Variants in KATNAL1 observed in about 807,000 individuals in gnomAD.
The protein encoded by KATNAL1 is katanin p60 ATPase-containing subunit A-like 1.
In KATNAL1, 32 loss-of-function variants were observed where a neutral mutation model predicts 55.2. That is an observed-to-expected ratio of 0.58 (90% CI 0.44 to 0.78). The LOEUF (loss-of-function observed/expected upper bound fraction) is 0.78, where lower values mean the gene tolerates loss of function less well. KATNAL1 is among the 30% of genes least tolerant of loss of function. The pLI, the probability that KATNAL1 is intolerant of heterozygous loss-of-function variation, is 0.00. For synonymous variants in KATNAL1, 193 were observed against 193.6 expected, an observed-to-expected ratio of 1.00 and a Z score of 0.02; for missense variants, 466 against 600.9, an observed-to-expected ratio of 0.78 and a Z score of 2.35.
At chr13:30,233,488 G>C (rs529172255) in intron 6 of KATNAL1, among the ~76,000 whole-genome samples, 56 of 151,906 alleles carry the variant, frequency 3.7e-4, no homozygotes, top group Non-Finnish European at 5.4e-4. Flanking sequence ...AAAGGGGAAT[G>C]CTCCTATACT....
At chr13:30,247,541 T>C (rs1352421789) in intron 4 of KATNAL1, among the ~76,000 whole-genome samples, 1 of 152,158 alleles carries the variant, frequency 6.6e-6, no homozygotes, top group African/African-American at 2.4e-5. Context: ...GGAGGCACAA[T>C]ATATTAATAA....
rs532829880 is a variant in KATNAL1 at position 30,213,483 on chromosome 13, T to C, written c.1148-3041A>G. On this transcript the variant is annotated intron_variant, in intron 9 of 10. Coordinates refer to ENST00000380615, the MANE Select transcript of KATNAL1 (RefSeq NM_032116.5). ...GAGACACACCCAAAAAAGAGAATTT[T>C]AGACCAATATCCTTGATGAACATTG... Among the ~76,000 whole-genome samples, 65 of 152,078 alleles carry C rather than the reference T, an allele frequency of 4.3e-4. 1 individual carries two copies. The highest frequency in any genetic ancestry group is 1.0e-3 in the South Asian group (5 of 4,816).
intron 9 of KATNAL1, among the ~76,000 whole-genome samples, chr13:30,217,078 G>C (rs1286837806): frequency 6.6e-6 from 1 of 152,018 alleles, no homozygotes; most frequent in Non-Finnish European, 1.5e-5. Context: ...GATTGGTGGC[G>C]GGGGGGTGGG....
At chr13:30,214,343 C>T (rs1367549143) in intron 9 of KATNAL1, among the ~76,000 whole-genome samples, 3 of 152,212 alleles carry the variant, frequency 2.0e-5, no homozygotes, top group African/African-American at 7.2e-5. Flanking sequence ...AATGGCCATA[C>T]TGCCCAAGGT....
chr13:30,204,428 G>C lies in KATNAL1; in HGVS notation c.*4112C>G, dbSNP rs1475019468. ...TGCCTAGTCCTTCATTTTATCTCAA[G>C]TTAGGGTGGGGGGAAAGTGAATCAC... On this transcript the variant is annotated 3_prime_UTR_variant, in exon 11 of 11. Transcript: ENST00000380615. The C allele has an allele frequency of 9.0e-6, 1 of 110,862 alleles. No homozygotes were observed. Among genetic ancestry groups the C allele is most frequent in the African/African-American group, 3.0e-5 (1 of 33,486 alleles). 6.9% of individuals were successfully genotyped at this position (110,862 alleles called of 1,614,324 possible). A position where few individuals can be genotyped will look rare whatever the true frequency, so the allele number is the denominator to read the frequency against.
intron 9 of KATNAL1, among the ~76,000 whole-genome samples, chr13:30,217,750 A>C (rs1179833833): frequency 1.3e-5 from 2 of 152,168 alleles, no homozygotes; most frequent in Admixed American, 6.5e-5. Flanking sequence ...AAGTAAAATA[A>C]GAACAGAATC....
At chr13:30,241,149 G>T in intron 4 of KATNAL1, 63 bp from the exon 5 acceptor site, 2 of 1,382,588 alleles carry the variant, frequency 1.4e-6, no homozygotes, top group Non-Finnish European at 2.0e-6. Flanking sequence ...ACATCATTAC[G>T]CTTTGAAAAC....
At chr13:30,261,549 T>A (rs374326605) in intron 3 of KATNAL1, among the ~76,000 whole-genome samples, 3 of 151,662 alleles carry the variant, frequency 2.0e-5, no homozygotes, top group Admixed American at 6.6e-5. Context: ...AAAACAAAAA[T>A]AGGCAGGGGT....
At chr13:30,256,749 A>G (rs774553169) in intron 3 of KATNAL1, among the ~76,000 whole-genome samples, 1 of 152,248 alleles carries the variant, frequency 6.6e-6, no homozygotes, top group African/African-American at 2.4e-5. Flanking sequence ...CTGATACAGC[A>G]TATTTAGATG....
chr13:30,283,523 C>T, intron 2 of KATNAL1, 93 bp downstream of exon 2: 1 of 1,141,378 alleles, frequency 8.8e-7, no homozygotes, highest in Middle Eastern at 2.1e-4. Flanking sequence ...CTATTTCCAT[C>T]TCAAACTCAA....
At chr13:30,213,230 T>C (rs1163703330) in intron 9 of KATNAL1, among the ~76,000 whole-genome samples, 4 of 152,092 alleles carry the variant, frequency 2.6e-5, no homozygotes, top group African/African-American at 9.7e-5. Context: ...CAGGAAGAAG[T>C]TGAATCTCTG....
At chr13:30,303,084 AG>A (rs1882961414) in intron 1 of KATNAL1, among the ~76,000 whole-genome samples, 1 of 152,254 alleles carries the variant, frequency 6.6e-6, no homozygotes, top group Admixed American at 6.5e-5. Flanking sequence ...ACTTTTTAAT[AG>A]GCTGCCTAAT....
chr13:30,220,991 A>C (rs1488311706), intron 9 of KATNAL1, among the ~76,000 whole-genome samples: 1 of 152,158 alleles, frequency 6.6e-6, no homozygotes, highest in East Asian at 1.9e-4. Context: ...GAGCAACAAC[A>C]CCCAGCGAAA....
intron 3 of KATNAL1, among the ~76,000 whole-genome samples, chr13:30,275,937 G>A (rs1880809916): frequency 6.6e-6 from 1 of 152,088 alleles, no homozygotes; most frequent in African/African-American, 2.4e-5. Context: ...TATATACCAT[G>A]TTGAATACTG....
At chr13:30,235,140 TTC>T (rs1323941428) in intron 6 of KATNAL1, among the ~76,000 whole-genome samples, 2 of 152,196 alleles carry the variant, frequency 1.3e-5, no homozygotes, top group African/African-American at 4.8e-5. Context: ...TTCTGTGTAT[TTC>T]TCTCAGTCCA....
At chr13:30,271,227 A>C (rs911090006) in intron 3 of KATNAL1, among the ~76,000 whole-genome samples, 3 of 152,226 alleles carry the variant, frequency 2.0e-5, no homozygotes, top group East Asian at 3.8e-4. Flanking sequence ...CTGATCCCCA[A>C]CTTATAGAGG....
At chr13:30,214,645 C>G (rs981971815) in intron 9 of KATNAL1, among the ~76,000 whole-genome samples, 3 of 152,134 alleles carry the variant, frequency 2.0e-5, no homozygotes, top group African/African-American at 7.2e-5. Flanking sequence ...TGATCTTTGA[C>G]AAACCTCAGA....
At chr13:30,274,891 A>ACGCGCGCGCGCGTGCG (rs371121115) in intron 3 of KATNAL1, among the ~76,000 whole-genome samples, 11 of 122,122 alleles carry the variant, frequency 9.0e-5, no homozygotes, top group East Asian at 2.5e-4. Context: ...GCACACACAT[A>ACGCGCGCGCGCGTGCG]CGCGCGCGCG....
At chr13:30,290,829 A>T (rs1334932624) in intron 1 of KATNAL1, among the ~76,000 whole-genome samples, 2 of 152,228 alleles carry the variant, frequency 1.3e-5, no homozygotes, top group African/African-American at 2.4e-5. Context: ...ACCAATCAAT[A>T]CAATTTTAAG....
Sources: gnomAD v4.1 joint callset for allele counts (sites outside exome capture counted in the v4.1 genomes callset) on GRCh38, gnomAD v4.1.1 for gene constraint, MANE v1.5 for transcripts, NCBI Gene and HGNC (gene_info 2026-07-23, HGNC 2026-07-21) for gene names.